The following MCF2L variants were observed in gnomAD, a reference collection of about 807,000 sequenced individuals.
MCF2L encodes the protein MCF.2 cell line derived transforming sequence like, also known as guanine nucleotide exchange factor DBS.
A neutral mutation model predicts 153.4 loss-of-function variants in MCF2L; 97 were observed. The ratio of observed to expected loss-of-function variants is 0.63; its 90% CI spans 0.54 to 0.75. MCF2L has a LOEUF of 0.75. MCF2L is among the 30% of genes least tolerant of loss of function. MCF2L has a pLI of 0.00. For synonymous variants in MCF2L, 659 were observed against 632.2 expected, an observed-to-expected ratio of 1.04 and a Z score of -0.64; for missense variants, 1,347 against 1,495.2, an observed-to-expected ratio of 0.90 and a Z score of 1.64.
At chr13:113,012,725 C>T (rs1297939685) in intron 1 of MCF2L, among the ~76,000 whole-genome samples, 32 of 114,080 alleles carry the variant, frequency 2.8e-4, no homozygotes, top group African/African-American at 9.0e-4. Flanking sequence ...GGACGGTGGA[C>T]AGGCAGTGTG....
At position 112,943,841 on chromosome 13, in the gene MCF2L, G is replaced by T. The variant is rs2081603639; in HGVS notation, c.169+41470G>T. Among the ~76,000 whole-genome samples, 1 of 152,124 alleles carries T rather than the reference G, an allele frequency of 6.6e-6. No homozygotes were observed. The highest frequency in any genetic ancestry group is 1.5e-5 in the Non-Finnish European group (1 of 68,014). On this transcript the variant is annotated intron_variant, in intron 2 of 29. Transcript: ENST00000375608. This position sits in a 1 kb window ranked among gnomAD's most constrained non-coding sequence, Gnocchi z 4.2. ...CGGGAGGCGTAGTAGGCGGGGTGAG[G>T]GGATCTCGGTGGCAGCGGGGACAGC... is the stretch of plus-strand genomic sequence containing the variant.
intron 3 of MCF2L, among the ~76,000 whole-genome samples, chr13:113,025,701 T>C (rs1410630478): frequency 8.1e-5 from 10 of 123,214 alleles, no homozygotes; most frequent in South Asian, 2.5e-4. Flanking sequence ...GGGGTCCCCG[T>C]GACTGTGGGT....
At chr13:113,030,884 C>G (rs1466755516) in intron 3 of MCF2L, among the ~76,000 whole-genome samples, 1 of 152,128 alleles carries the variant, frequency 6.6e-6, no homozygotes, top group Non-Finnish European at 1.5e-5. Flanking sequence ...CCAGGCACTG[C>G]TTGCTGAGAA....
intron 15 of MCF2L, 43 bp from the exon 16 acceptor site, chr13:113,081,170 C>G (rs2141989996): frequency 6.6e-7 from 1 of 1,510,712 alleles, no homozygotes; most frequent in South Asian, 1.2e-5. Flanking sequence ...TTCCTGCTCT[C>G]CCAGTGCTAA....
intron 25 of MCF2L, 74 bp from the exon 26 acceptor site, chr13:113,089,536 C>A: frequency 1.1e-6 from 1 of 935,282 alleles, no homozygotes; most frequent in Non-Finnish European, 1.7e-6. Flanking sequence ...CTGAATGCCT[C>A]AGGTCCTCAG....
chr13:112,970,996 C>T (rs1330390934), intron 1 of MCF2L, among the ~76,000 whole-genome samples: 1 of 152,202 alleles, frequency 6.6e-6, no homozygotes, highest in Non-Finnish European at 1.5e-5. Context: ...TATGAGCACC[C>T]TGTAGCGTTT....
chr13:113,071,727 A>G (rs1280049253), intron 9 of MCF2L, among the ~76,000 whole-genome samples: 1 of 152,210 alleles, frequency 6.6e-6, no homozygotes, highest in African/African-American at 2.4e-5. Flanking sequence ...GTTTATCTAC[A>G]TACCTCTTCC....
Position 113,085,150 on chromosome 13 carries a change from G to A in MCF2L, c.2219G>A (p.Arg740Lys). The A allele has an allele frequency of 6.2e-7, 1 of 1,613,580 alleles. No individual in the cohort carries two copies. Among genetic ancestry groups the A allele is most frequent in the Non-Finnish European group, 8.5e-7 (1 of 1,180,008 alleles). ...TCCTACCTGCTGAAGCCAGTGCAGA[G>A]GATCACCAAGTACCAGCTGCTGCTC... The part of the protein sequence containing the change: ...LDSYLLKPVQ[R>K]ITKYQLLLKE... The change falls in exon 20 of 30, where the codon AGG becomes AAG. Residue 740 changes from arginine to lysine, a missense_variant. Transcript: ENST00000535094.
chr13:113,012,265 GGACAGTGGACAGGTGGTGTA>G, intron 1 of MCF2L, among the ~76,000 whole-genome samples: 1 of 113,360 alleles, frequency 8.8e-6, no homozygotes. Context: ...ACTGCGATGA[GGACAGTGGACAGGTGGTGTA>G]GACAGTGGAC....
rs1434204154 is a variant in MCF2L at position 113,096,643 on chromosome 13, G to C, written c.3282G>C (p.Leu1094=). The C allele has an allele frequency of 6.3e-7, 1 of 1,588,476 alleles. No individual in the cohort carries two copies. Among genetic ancestry groups the C allele is most frequent in the Non-Finnish European group, 8.5e-7 (1 of 1,174,106 alleles). Reference sequence around the variant, plus strand: ...GCCCGTCCGGCTCGGCCCAGTGCCTGAGCAGCTCAGGTAAGGCCCACGTGC... The same window carrying C: ...GCCCGTCCGGCTCGGCCCAGTGCCTCAGCAGCTCAGGTAAGGCCCACGTGC... ...RLGPSGSAQC[L]SSSESSPGSA... is the part of the protein sequence containing the mutation. The change falls in exon 29 of 30, where the codon CTG becomes CTC. Residue 1094 remains leucine, a synonymous_variant. Coordinates refer to ENST00000535094, the MANE Select transcript of MCF2L (RefSeq NM_001112732.3).
intron 3 of MCF2L, among the ~76,000 whole-genome samples, chr13:113,036,778 C>T (rs1264351288): frequency 1.3e-5 from 2 of 152,260 alleles, no homozygotes; most frequent in Non-Finnish European, 2.9e-5. Context: ...GGCCCCCCAA[C>T]TCCTCCACCA....
chr13:112,947,329 A>G (rs550721752), intron 2 of MCF2L, among the ~76,000 whole-genome samples: 2 of 152,266 alleles, frequency 1.3e-5, no homozygotes, highest in African/African-American at 4.8e-5. Flanking sequence ...CATTTATTCC[A>G]TCTCAATACC....
At chr13:113,052,089 G>A (rs2087373892) in intron 4 of MCF2L, among the ~76,000 whole-genome samples, 1 of 152,260 alleles carries the variant, frequency 6.6e-6, no homozygotes, top group South Asian at 2.1e-4. Flanking sequence ...ACTGGTGAGT[G>A]GGTGAGGTGA....
intron 1 of MCF2L, among the ~76,000 whole-genome samples, chr13:112,897,981 AGCCCCG>A (rs775046468): frequency 3.6e-4 from 54 of 149,384 alleles, no homozygotes; most frequent in African/African-American, 9.3e-4. Context: ...GTCCAGCCCC[AGCCCCG>A]GCCCCGGCCC....
chr13:113,089,885 C>T lies in MCF2L; in HGVS notation c.2953+157C>T, dbSNP rs766361541. 3.7e-6 allele frequency: 6 copies of T among 1,609,788 alleles called. No individual in the cohort carries two copies. In the Admixed American group the frequency reaches 6.8e-5, roughly 18 times the overall value. Reference sequence around the variant, plus strand: ...CTCCCCTCTTAACAGAGCCCTAGGACCCCACAGAAGAGCCCCTCCCTCTCC... The same window carrying T: ...CTCCCCTCTTAACAGAGCCCTAGGATCCCACAGAAGAGCCCCTCCCTCTCC... On this transcript the variant is annotated intron_variant, in intron 26 of 29. Coordinates refer to ENST00000535094, the MANE Select transcript of MCF2L (RefSeq NM_001112732.3).
intron 4 of MCF2L, among the ~76,000 whole-genome samples, chr13:113,059,114 G>C (rs573211067): frequency 2.0e-4 from 30 of 152,312 alleles, no homozygotes; most frequent in Admixed American, 1.8e-3. Flanking sequence ...TGAGGTCCCA[G>C]CCACTTATGT....
intron 8 of MCF2L, among the ~76,000 whole-genome samples, chr13:113,067,060 G>T (rs2032487023): frequency 6.6e-6 from 1 of 152,254 alleles, no homozygotes; most frequent in African/African-American, 2.4e-5. Context: ...GCCCATGAGG[G>T]TGGGCCCTGC....
At chr13:113,022,855 T>G (rs1247970243) in intron 2 of MCF2L, among the ~76,000 whole-genome samples, 1 of 152,056 alleles carries the variant, frequency 6.6e-6, no homozygotes, top group African/African-American at 2.4e-5. Flanking sequence ...CTCTTATCAT[T>G]GGGATCTGAG....
At chr13:112,936,170 C>T (rs1408715009) in intron 2 of MCF2L, among the ~76,000 whole-genome samples, 5 of 150,136 alleles carry the variant, frequency 3.3e-5, no homozygotes, top group Non-Finnish European at 7.4e-5. Flanking sequence ...ATTCCAGCTA[C>T]TTGAGAGGCT....
Sources: allele counts gnomAD v4.1 joint callset (sites outside exome capture counted in the v4.1 genomes callset), GRCh38; gene constraint gnomAD v4.1.1; non-coding constraint Gnocchi (gnomAD v3.1); transcripts MANE v1.5; gene names NCBI Gene and HGNC (gene_info 2026-07-23, HGNC 2026-07-21).